Variants in PTPRM observed in about 807,000 individuals in gnomAD.
PTPRM encodes the protein protein tyrosine phosphatase receptor type M.
A neutral mutation model predicts 186.7 loss-of-function variants in PTPRM; 47 were observed. The ratio of observed to expected loss-of-function variants is 0.25; its 90% confidence interval spans 0.20 to 0.32. The LOEUF (loss-of-function observed/expected upper bound fraction) is 0.32, where lower values mean the gene tolerates loss of function less well. PTPRM is among the 10% of genes least tolerant of loss of function. The pLI, the probability that PTPRM is intolerant of heterozygous loss-of-function variation, is 1.00. For synonymous variants in PTPRM, 668 were observed against 674.9 expected, an observed-to-expected ratio of 0.99 and a Z score of 0.16; for missense variants, 1,494 against 1,865.0, an observed-to-expected ratio of 0.80 and a Z score of 3.66.
intron 7 of PTPRM, among the ~76,000 whole-genome samples, chr18:8,005,015 G>A (rs900065739): frequency 2.0e-5 from 3 of 152,184 alleles, no homozygotes; most frequent in Admixed American, 1.3e-4. Context: ...GTCTGGTTAT[G>A]TAAATGATGA....
intron 14 of PTPRM, among the ~76,000 whole-genome samples, chr18:8,189,458 C>T (rs1343263928): frequency 1.3e-5 from 2 of 152,124 alleles, no homozygotes; most frequent in Admixed American, 1.3e-4. Flanking sequence ...TGCTTTGTCA[C>T]CCTGTTCCAC....
At chr18:7,798,434 C>T (rs2043783954) in intron 2 of PTPRM, among the ~76,000 whole-genome samples, 1 of 151,430 alleles carries the variant, frequency 6.6e-6, no homozygotes, top group South Asian at 2.1e-4. Context: ...GAGGCTGAGG[C>T]AGGAGAATTG....
chr18:8,123,909 A>C (rs2092259743), intron 13 of PTPRM, among the ~76,000 whole-genome samples: 1 of 152,220 alleles, frequency 6.6e-6, no homozygotes, highest in African/African-American at 2.4e-5. Flanking sequence ...ATAATTCAGT[A>C]GTCCTTTTAC....
intron 30 of PTPRM, among the ~76,000 whole-genome samples, chr18:8,386,118 G>T (rs923004392): frequency 2.0e-5 from 3 of 152,158 alleles, no homozygotes; most frequent in Admixed American, 2.0e-4. Context: ...AGGATCAGAA[G>T]CTCAATTGTA....
chr18:8,154,944 A>C (rs1041083188), intron 14 of PTPRM: 4 of 152,236 alleles, frequency 2.6e-5, no homozygotes, highest in Non-Finnish European at 5.9e-5. Context: ...ATGTAAGCAA[A>C]GCAATTTTTT....
intron 14 of PTPRM, among the ~76,000 whole-genome samples, chr18:8,219,019 A>G (rs1157615040): frequency 6.6e-6 from 1 of 152,148 alleles, no homozygotes; most frequent in Non-Finnish European, 1.5e-5. Context: ...CATCCTGGAG[A>G]CTTGCAGGGC....
chr18:7,654,726 C>CT (rs756224383), intron 1 of PTPRM, among the ~76,000 whole-genome samples: 96 of 152,210 alleles, frequency 6.3e-4, no homozygotes, highest in Middle Eastern at 6.8e-3. Flanking sequence ...CCATTGCTTG[C>CT]TTTTGTTAGC....
intron 11 of PTPRM, among the ~76,000 whole-genome samples, chr18:8,104,730 G>T (rs2091443450): frequency 6.6e-6 from 1 of 152,200 alleles, no homozygotes; most frequent in African/African-American, 2.4e-5. Flanking sequence ...CTACAGGCAT[G>T]AGGTACCACA....
chr18:8,120,492 CTT>C (rs199835832), intron 13 of PTPRM, among the ~76,000 whole-genome samples: 2 of 136,574 alleles, frequency 1.5e-5, no homozygotes, highest in Non-Finnish European at 1.6e-5. Context: ...TTCTTTCTTT[CTT>C]TTTTTTTTTT....
chr18:8,045,804 G>C (rs1367505914), intron 7 of PTPRM, among the ~76,000 whole-genome samples: 1 of 152,182 alleles, frequency 6.6e-6, no homozygotes, highest in East Asian at 1.9e-4. Flanking sequence ...CTTTACATGG[G>C]TGGATTTTAT....
chr18:7,730,151 A>G (rs1168523050), intron 1 of PTPRM, among the ~76,000 whole-genome samples: 1 of 152,164 alleles, frequency 6.6e-6, no homozygotes, highest in Non-Finnish European at 1.5e-5. Context: ...TAAACATACT[A>G]AAATGCATGA....
chr18:7,870,648 A>C (rs2047936722), intron 2 of PTPRM, among the ~76,000 whole-genome samples: 1 of 152,200 alleles, frequency 6.6e-6, no homozygotes, highest in African/African-American at 2.4e-5. Context: ...CCTACCAATC[A>C]ATAAAAAATC....
At chr18:8,089,242 G>A (rs369188756) in intron 11 of PTPRM, among the ~76,000 whole-genome samples, 10 of 151,968 alleles carry the variant, frequency 6.6e-5, no homozygotes, top group African/African-American at 2.2e-4. Flanking sequence ...GTTTACTTTG[G>A]GTTTTATGTC....
chr18:7,675,697 G>A (rs868801932), intron 1 of PTPRM, among the ~76,000 whole-genome samples: 1 of 151,602 alleles, frequency 6.6e-6, no homozygotes, highest in Non-Finnish European at 1.5e-5. Context: ...TAGTAAACTT[G>A]GTGGTTGTTG....
At chr18:7,717,672 G>A (rs980553045) in intron 1 of PTPRM, among the ~76,000 whole-genome samples, 9 of 152,372 alleles carry the variant, frequency 5.9e-5, no homozygotes, top group East Asian at 3.9e-4. Flanking sequence ...GGACAGCAGC[G>A]TTAAAAGAGC....
At chr18:8,278,949 G>A (rs1043168522) in intron 19 of PTPRM, among the ~76,000 whole-genome samples, 3 of 152,080 alleles carry the variant, frequency 2.0e-5, no homozygotes, top group African/African-American at 4.8e-5. Context: ...AGAGGGGGAG[G>A]GATAGCATTA....
chr18:7,899,137 A>G (rs764296001), intron 3 of PTPRM, among the ~76,000 whole-genome samples: 1 of 152,224 alleles, frequency 6.6e-6, no homozygotes, highest in Non-Finnish European at 1.5e-5. Flanking sequence ...ACAGCCCTGA[A>G]GCACTATATT....
intron 1 of PTPRM, among the ~76,000 whole-genome samples, chr18:7,637,086 T>A (rs1045942926): frequency 6.7e-5 from 10 of 150,034 alleles, no homozygotes; most frequent in African/African-American, 2.5e-4. Flanking sequence ...AAGAATCACT[T>A]GAACCCAGGA....
intron 21 of PTPRM, among the ~76,000 whole-genome samples, chr18:8,316,943 C>G (rs7226582): frequency 6.6e-6 from 1 of 152,000 alleles, no homozygotes; most frequent in South Asian, 2.1e-4. Flanking sequence ...TTGTGCCTGG[C>G]GATTTTGAAG....
Sources: allele counts gnomAD v4.1 joint callset (sites outside exome capture counted in the v4.1 genomes callset), GRCh38; gene constraint gnomAD v4.1.1; transcripts MANE v1.5; gene names NCBI Gene and HGNC (gene_info 2026-07-23, HGNC 2026-07-21).